Variants in PRKG1 observed in about 807,000 individuals in gnomAD.
The protein encoded by PRKG1 is cGMP-dependent protein kinase 1.
Under a neutral mutation model 88.1 loss-of-function variants are expected in PRKG1, and 35 were observed. The ratio of observed to expected loss-of-function variants is 0.40; its 90% confidence interval spans 0.30 to 0.53. The LOEUF is 0.53. Ranked by LOEUF, PRKG1 falls within the 20% of genes least tolerant of loss-of-function variation. The pLI, the probability that PRKG1 is intolerant of heterozygous loss-of-function variation, is 0.59. For synonymous variants in PRKG1, 303 were observed against 292.5 expected, an observed-to-expected ratio of 1.04 and a Z score of -0.37; for missense variants, 540 against 839.8, an observed-to-expected ratio of 0.64 and a Z score of 4.41.
At chr10:51,126,545 A>G (rs941699604) in intron 1 of PRKG1, among the ~76,000 whole-genome samples, 4 of 148,292 alleles carry the variant, frequency 2.7e-5, no homozygotes, top group Non-Finnish European at 6.0e-5. Context: ...ATTAAAAATT[A>G]TATAATTTGT....
intron 3 of PRKG1, among the ~76,000 whole-genome samples, chr10:51,609,992 AT>A (rs1359850590): frequency 6.6e-6 from 1 of 152,088 alleles, no homozygotes; most frequent in East Asian, 1.9e-4. Flanking sequence ...AAACTTATAA[AT>A]TAAAAAAAAA....
At chr10:51,564,727 T>C (rs1837556637) in intron 3 of PRKG1, among the ~76,000 whole-genome samples, 1 of 152,268 alleles carries the variant, frequency 6.6e-6, no homozygotes, top group East Asian at 1.9e-4. Flanking sequence ...TCAAATATGG[T>C]TCACAAACTG....
intron 3 of PRKG1, among the ~76,000 whole-genome samples, chr10:51,558,840 G>C (rs1837382352): frequency 6.6e-6 from 1 of 152,054 alleles, no homozygotes. Context: ...TGGTATTTTA[G>C]ACAGATCAAT....
chr10:51,947,089 G>T (rs1490402099), intron 5 of PRKG1, among the ~76,000 whole-genome samples: 3 of 152,092 alleles, frequency 2.0e-5, no homozygotes, highest in Non-Finnish European at 2.9e-5. Flanking sequence ...AGGCAGGCAG[G>T]CCTCCTTGAG....
At chr10:51,423,469 G>A (rs534131097) in intron 2 of PRKG1, among the ~76,000 whole-genome samples, 23 of 151,650 alleles carry the variant, frequency 1.5e-4, no homozygotes, top group Admixed American at 1.4e-3. Flanking sequence ...CCCTATTTCT[G>A]GTTCATTCTG....
chr10:51,926,982 G>A (rs991455163), intron 5 of PRKG1, among the ~76,000 whole-genome samples: 6 of 151,966 alleles, frequency 3.9e-5, no homozygotes, highest in African/African-American at 1.4e-4. Context: ...TTTTCAGTTT[G>A]TTCTAGACCT....
chr10:51,552,716 G>A (rs558179940), intron 3 of PRKG1, among the ~76,000 whole-genome samples: 3 of 151,716 alleles, frequency 2.0e-5, no homozygotes, highest in Admixed American at 6.6e-5. Context: ...GGTATGAAAT[G>A]TTTAATGTAA....
intron 2 of PRKG1, among the ~76,000 whole-genome samples, chr10:51,301,504 C>A (rs893848570): frequency 1.3e-5 from 2 of 152,118 alleles, no homozygotes; most frequent in African/African-American, 4.8e-5. Context: ...CTTGAGTGAG[C>A]CACTTCAAAA....
chr10:51,218,004 A>G (rs1024080527), intron 2 of PRKG1, among the ~76,000 whole-genome samples: 21 of 152,216 alleles, frequency 1.4e-4, no homozygotes, highest in African/African-American at 4.8e-4. Context: ...GCACTTGTAC[A>G]TTTCAAGGGC....
chr10:51,321,078 T>A (rs923373541), intron 2 of PRKG1, among the ~76,000 whole-genome samples: 33 of 142,524 alleles, frequency 2.3e-4, no homozygotes, highest in African/African-American at 4.7e-4. Flanking sequence ...TAAAAAAAAA[T>A]TTTGTTTAAA....
At chr10:51,836,668 C>G (rs539572918) in intron 4 of PRKG1, among the ~76,000 whole-genome samples, 1 of 152,200 alleles carries the variant, frequency 6.6e-6, no homozygotes, top group South Asian at 2.1e-4. Flanking sequence ...TATACATACA[C>G]TATCCAAAAT....
intron 2 of PRKG1, among the ~76,000 whole-genome samples, chr10:51,161,954 A>C (rs1170937581): frequency 6.6e-6 from 1 of 152,248 alleles, no homozygotes; most frequent in Non-Finnish European, 1.5e-5. Flanking sequence ...CCATCATTAC[A>C]TAACTGTTGA....
intron 2 of PRKG1, among the ~76,000 whole-genome samples, chr10:51,219,103 A>T (rs900283051): frequency 6.6e-6 from 1 of 152,216 alleles, no homozygotes; most frequent in Non-Finnish European, 1.5e-5. Flanking sequence ...TGAATATGAA[A>T]TTTTAATTAA....
At chr10:51,617,858 C>A (rs185521559) in intron 3 of PRKG1, among the ~76,000 whole-genome samples, 4 of 152,278 alleles carry the variant, frequency 2.6e-5, no homozygotes. Flanking sequence ...AAGTATTGGT[C>A]ATGCTTACAT....
At chr10:52,277,764 ATATAAG>A (rs1188139119) in intron 12 of PRKG1, among the ~76,000 whole-genome samples, 1 of 152,192 alleles carries the variant, frequency 6.6e-6, no homozygotes, top group African/African-American at 2.4e-5. Flanking sequence ...CTTATTCAGA[ATATAAG>A]TATAATATTC....
At chr10:51,185,576 G>T (rs1728325057) in intron 2 of PRKG1, among the ~76,000 whole-genome samples, 1 of 151,870 alleles carries the variant, frequency 6.6e-6, no homozygotes, top group African/African-American at 2.4e-5. Flanking sequence ...TCACTATTTT[G>T]TTTTGTAACC....
At chr10:52,065,936 C>A (rs1846344937) in intron 7 of PRKG1, among the ~76,000 whole-genome samples, 1 of 152,074 alleles carries the variant, frequency 6.6e-6, no homozygotes, top group Non-Finnish European at 1.5e-5. Context: ...ATCAAAGAAC[C>A]AGAAATATTT....
chr10:52,162,007 A>G, intron 9 of PRKG1, 44 bp downstream of exon 9: 1 of 1,513,858 alleles, frequency 6.6e-7, no homozygotes, highest in South Asian at 1.1e-5. Context: ...AATGATTTTG[A>G]ATAGAAATAA....
chr10:51,069,872 T>C (rs1239165704), upstream of PRKG1, among the ~76,000 whole-genome samples: 1 of 152,066 alleles, frequency 6.6e-6, no homozygotes, highest in East Asian at 1.9e-4. Flanking sequence ...TTCAAGCAAT[T>C]TTAGGATTAG....
Sources: allele counts gnomAD v4.1 joint callset (sites outside exome capture counted in the v4.1 genomes callset), GRCh38; gene constraint gnomAD v4.1.1; transcripts MANE v1.5; gene names NCBI Gene and HGNC (gene_info 2026-07-23, HGNC 2026-07-21).